NR6A1: variants seen among roughly 807,000 people sequenced by gnomAD.
The protein encoded by NR6A1 is retinoic acid receptor-related testis-associated receptor.
Under a neutral mutation model 59.1 loss-of-function variants are expected in NR6A1, and 7 were observed. The ratio of observed to expected loss-of-function variants is 0.12; its 90% CI spans 0.07 to 0.22. NR6A1 has a LOEUF of 0.22. Ranked by LOEUF, NR6A1 falls within the 10% of genes least tolerant of loss-of-function variation. The probability of loss-of-function intolerance (pLI) is 1.00; values close to 1 mark genes in which losing one functional copy is unlikely to be tolerated. For missense variants in NR6A1, 468 were observed against 611.6 expected (o/e 0.77, Z 2.48); for synonymous variants, 243 against 236.1 (o/e 1.03, Z -0.27).
intron 1 of NR6A1, among the ~76,000 whole-genome samples, chr9:124,768,993 A>G (rs1177555933): frequency 2.0e-5 from 3 of 152,212 alleles, no homozygotes; most frequent in African/African-American, 7.2e-5. Context: ...TCAGCATGGG[A>G]AAATTTAGAT....
intron 2 of NR6A1, among the ~76,000 whole-genome samples, chr9:124,670,964 ATAC>A (rs1837777491): frequency 6.6e-6 from 1 of 152,242 alleles, no homozygotes; most frequent in African/African-American, 2.4e-5. Flanking sequence ...GGGCTGTCAC[ATAC>A]TACAACATAA....
At chr9:124,613,701 G>C (rs1835816121) in intron 2 of NR6A1, among the ~76,000 whole-genome samples, 1 of 152,008 alleles carries the variant, frequency 6.6e-6, no homozygotes, top group Admixed American at 6.6e-5. Context: ...AAAATTAAAA[G>C]AAAAGCTCAA....
chr9:124,571,769 T>C (rs558219336), intron 2 of NR6A1, among the ~76,000 whole-genome samples: 3 of 151,944 alleles, frequency 2.0e-5, no homozygotes, highest in Admixed American at 6.6e-5. Context: ...GGGCTGAGAG[T>C]AGTTCCTGTG....
At chr9:124,675,760 G>A (rs556915187) in intron 2 of NR6A1, among the ~76,000 whole-genome samples, 2 of 152,322 alleles carry the variant, frequency 1.3e-5, no homozygotes, top group Admixed American at 1.3e-4. Flanking sequence ...GGAAGCAACT[G>A]CTGGGCAAGC....
intron 2 of NR6A1, among the ~76,000 whole-genome samples, chr9:124,694,421 T>C (rs961194089): frequency 6.6e-6 from 1 of 152,218 alleles, no homozygotes; most frequent in Non-Finnish European, 1.5e-5. Flanking sequence ...TAAATGGCTA[T>C]ATAGTATGAC....
At chr9:124,643,951 G>C (rs573825677) in intron 2 of NR6A1, among the ~76,000 whole-genome samples, 10 of 151,978 alleles carry the variant, frequency 6.6e-5, no homozygotes, top group African/African-American at 2.2e-4. Context: ...ACCAGGCTGG[G>C]GTGCAGTGGC....
intron 2 of NR6A1, among the ~76,000 whole-genome samples, chr9:124,666,272 G>GTTTTTTTTTTTTTTTTTT (rs1588760705): frequency 3.9e-5 from 5 of 127,818 alleles, no homozygotes; most frequent in African/African-American, 2.0e-4. Flanking sequence ...CCTCTATGTG[G>GTTTTTTTTTTTTTTTTTT]TTCTTTTTTT....
intron 2 of NR6A1, among the ~76,000 whole-genome samples, chr9:124,722,349 T>G (rs535737964): frequency 2.0e-4 from 31 of 152,346 alleles, no homozygotes; most frequent in Admixed American, 1.6e-3. Context: ...CATTCAGTCT[T>G]AAGTTCACTC....
At chr9:124,717,781 A>G (rs1839446983) in intron 2 of NR6A1, among the ~76,000 whole-genome samples, 1 of 152,216 alleles carries the variant, frequency 6.6e-6, no homozygotes, top group South Asian at 2.1e-4. Flanking sequence ...TCTGCCACTT[A>G]CCAGCTGTGT....
chr9:124,592,495 A>G, intron 2 of NR6A1, among the ~76,000 whole-genome samples: 1 of 152,192 alleles, frequency 6.6e-6, no homozygotes, highest in East Asian at 1.9e-4. Flanking sequence ...ATTAAATCAG[A>G]TTTTCTTCCT....
rs554600773 is a variant in NR6A1 at position 124,614,181 on chromosome 9, G to C, written c.143-59611C>G. On this transcript the variant is annotated intron_variant, in intron 2 of 9. Coordinates refer to ENST00000487099, the MANE Select transcript of NR6A1 (RefSeq NM_033334.4). Reference sequence around the variant, plus strand: ...TGGAGTTCACAAAGAAGAGGGCTAGGAGGGAGAGGGCTATGCAGAGAGAGC... The same window carrying C: ...TGGAGTTCACAAAGAAGAGGGCTAGCAGGGAGAGGGCTATGCAGAGAGAGC... 6.0e-4 allele frequency among the ~76,000 whole-genome samples: 91 copies of C among 152,278 alleles called. 1 individual carries two copies. The South Asian group carries it at 0.018, about 31-fold the overall frequency.
At chr9:124,535,551 CT>C (rs1218673966) in intron 7 of NR6A1, among the ~76,000 whole-genome samples, 1 of 152,194 alleles carries the variant, frequency 6.6e-6, no homozygotes, top group African/African-American at 2.4e-5. Context: ...ACATTCCAGC[CT>C]GGGCGACAGA....
chr9:124,660,602 A>C (rs1455973778), intron 2 of NR6A1, among the ~76,000 whole-genome samples: 5 of 151,356 alleles, frequency 3.3e-5, no homozygotes, highest in Non-Finnish European at 7.4e-5. Flanking sequence ...GGATTCAGAG[A>C]ACAGGAAATT....
intron 2 of NR6A1, among the ~76,000 whole-genome samples, chr9:124,653,145 T>C (rs1282738135): frequency 6.6e-6 from 1 of 152,212 alleles, no homozygotes; most frequent in African/African-American, 2.4e-5. Context: ...GCTCTGCCTC[T>C]TCCTTGCTAT....
At position 124,690,439 on chromosome 9, in the gene NR6A1, G is replaced by A. The variant is rs74924241; in HGVS notation, c.142+42869C>T. Among the ~76,000 whole-genome samples the A allele has an allele frequency of 5.9e-3, 899 of 152,274 alleles. 4 individuals are homozygous for A. Among genetic ancestry groups the A allele is most frequent in the Non-Finnish European group, 9.5e-3 (643 of 68,020 alleles). Reference sequence around the variant, plus strand: ...GTGGTTTCTCTGGAAAAGAAAGGAGGTATGTGAAATTAAGGAATGGCATGG... The same window carrying A: ...GTGGTTTCTCTGGAAAAGAAAGGAGATATGTGAAATTAAGGAATGGCATGG... On this transcript the variant is annotated intron_variant, in intron 2 of 9. Coordinates refer to ENST00000487099, the MANE Select transcript of NR6A1 (RefSeq NM_033334.4).
At chr9:124,657,877 C>A (rs1034821625) in intron 2 of NR6A1, among the ~76,000 whole-genome samples, 3 of 152,150 alleles carry the variant, frequency 2.0e-5, no homozygotes, top group Non-Finnish European at 4.4e-5. Context: ...CTCTGTTGTC[C>A]ATCTATCCAA....
chr9:124,544,197 G>C (rs1462942664), intron 3 of NR6A1, among the ~76,000 whole-genome samples: 1 of 152,212 alleles, frequency 6.6e-6, no homozygotes, highest in Non-Finnish European at 1.5e-5. Context: ...TTCTAGGGGA[G>C]GGACAGAGTA....
At chr9:124,539,025 T>C (rs552444566) in intron 5 of NR6A1, among the ~76,000 whole-genome samples, 36 of 151,724 alleles carry the variant, frequency 2.4e-4, no homozygotes, top group African/African-American at 8.0e-4. Flanking sequence ...CTGGGCAACA[T>C]AGCAAGACTC....
At chr9:124,585,579 A>AGCAGCAAGTGCTGATGTAGAAGCC in intron 2 of NR6A1, among the ~76,000 whole-genome samples, 1 of 148,122 alleles carries the variant, frequency 6.8e-6, no homozygotes, top group Non-Finnish European at 1.5e-5. Flanking sequence ...GGCAAGGTGA[A>AGCAGCAAGTGCTGATGTAGAAGCC]GCAGCAAGTG....
Sources: gnomAD v4.1 joint callset for allele counts (sites outside exome capture counted in the v4.1 genomes callset) on GRCh38, gnomAD v4.1.1 for gene constraint, MANE v1.5 for transcripts, NCBI Gene and HGNC (gene_info 2026-07-23, HGNC 2026-07-21) for gene names.